Variants in ACSL6 observed in about 807,000 individuals in gnomAD.
The protein encoded by ACSL6 is acyl-CoA synthetase long chain family member 6, also known as long-chain-fatty-acid--CoA ligase 6.
A neutral mutation model predicts 98.2 loss-of-function variants in ACSL6; 47 were observed. The ratio of observed to expected loss-of-function variants is 0.48; its 90% CI spans 0.38 to 0.61. ACSL6 has a LOEUF of 0.61. Among genes scored for constraint, ACSL6 ranks in the 20% least tolerant of loss-of-function variants. The pLI, the probability that ACSL6 is intolerant of heterozygous loss-of-function variation, is 0.00. For synonymous variants in ACSL6, 362 were observed against 336.9 expected, an observed-to-expected ratio of 1.07 and a Z score of -0.82; for missense variants, 761 against 913.4, an observed-to-expected ratio of 0.83 and a Z score of 2.15.
At chr5:131,960,274 G>A (rs1019494875) in intron 19 of ACSL6, among the ~76,000 whole-genome samples, 1 of 152,128 alleles carries the variant, frequency 6.6e-6, no homozygotes, top group African/African-American at 2.4e-5. Context: ...AACAGGGCTG[G>A]ATAAGCTTTC....
intron 6 of ACSL6, 53 bp downstream of exon 6, chr5:131,988,752 C>T: frequency 6.3e-7 from 1 of 1,589,688 alleles, no homozygotes. Context: ...AAGCTGGAGG[C>T]TGGAGGCTGG....
intron 2 of ACSL6, among the ~76,000 whole-genome samples, chr5:131,992,697 C>T (rs917727962): frequency 2.0e-4 from 31 of 152,198 alleles, no homozygotes; most frequent in Admixed American, 6.5e-5. Context: ...GTCACACCCA[C>T]CTTTCTACGG....
chr5:131,981,815 A>C (rs1421919716), intron 9 of ACSL6: 3 of 152,304 alleles, frequency 2.0e-5, no homozygotes, highest in Admixed American at 6.6e-5. Flanking sequence ...TTTGCTCCTC[A>C]GTCCACAGCA....
At chr5:131,968,061 T>G in intron 15 of ACSL6, 33 bp from the exon 16 acceptor site, 1 of 1,590,694 alleles carries the variant, frequency 6.3e-7, no homozygotes, top group Non-Finnish European at 8.6e-7. Flanking sequence ...CATTTGTTAG[T>G]GTTCAGATCT....
At chr5:131,963,121 T>C (rs1413619549) in intron 17 of ACSL6, among the ~76,000 whole-genome samples, 1 of 152,014 alleles carries the variant, frequency 6.6e-6, no homozygotes, top group African/African-American at 2.4e-5. Flanking sequence ...CCAGCTACTG[T>C]CTCCACCCCT....
At position 131,950,780 on chromosome 5, in the gene ACSL6, AT is replaced by A. The variant is rs1483333528; in HGVS notation, c.*3453del. 50 of 192,976 alleles carry A rather than the reference AT, an allele frequency of 2.6e-4. No individual in the cohort carries two copies. The highest frequency in any genetic ancestry group is 5.2e-4 in the Non-Finnish European group (48 of 92,512). The allele number at this position is 192,976 out of a possible 1,614,324, so 12.0% of individuals were successfully genotyped here. Reference sequence around the variant, plus strand: ...AAGGTTATTGGTTCTTTGATAGGTAATACAATCAAATTAAGTGCTGATTTCA... The same window carrying A: ...AAGGTTATTGGTTCTTTGATAGGTAAACAATCAAATTAAGTGCTGATTTCA... On this transcript the variant is annotated 3_prime_UTR_variant, in exon 21 of 21. Transcript: ENST00000651883.
chr5:131,970,213 C>G lies in ACSL6; in HGVS notation c.1435-13G>C, dbSNP rs746784691. On this transcript the variant is annotated splice_polypyrimidine_tract_variant and intron_variant, in intron 14 of 20. Coordinates refer to ENST00000651883, the MANE Select transcript of ACSL6 (RefSeq NM_001009185.3). Reference sequence around the variant, plus strand: ...AACCTTCATAAACCTTCAAACAAAACACAGAAGCCACACTATGGGCACACA... The same window carrying G: ...AACCTTCATAAACCTTCAAACAAAAGACAGAAGCCACACTATGGGCACACA... 6.2e-7 allele frequency: 1 copy of G among 1,613,586 alleles called. No homozygotes were observed. The highest frequency in any genetic ancestry group is 1.7e-5 in the Admixed American group (1 of 59,978).
chr5:131,985,397 C>T lies in ACSL6; in HGVS notation c.916+10G>A. The T allele has an allele frequency of 6.2e-7, 1 of 1,614,060 alleles. No individual in the cohort carries two copies. The highest frequency in any genetic ancestry group is 8.5e-7 in the Non-Finnish European group (1 of 1,180,010). ...TAGCCATGGCTGGGGATCTGCGTGC[C>T]TCTGCTTACCTGTCGTGCCGCTTGT... On this transcript the variant is annotated intron_variant, in intron 9 of 20. Transcript: ENST00000651883.
intron 11 of ACSL6, 40 bp downstream of exon 11, chr5:131,974,853 G>A: frequency 6.2e-7 from 1 of 1,613,830 alleles, no homozygotes; most frequent in Non-Finnish European, 8.5e-7. Flanking sequence ...AAAAAAGAAG[G>A]AGCCCAGGCA....
chr5:131,974,754 T>C, intron 11 of ACSL6, 139 bp downstream of exon 11: 1 of 1,606,048 alleles, frequency 6.2e-7, no homozygotes, highest in Non-Finnish European at 8.5e-7. Context: ...TGCCAGGGCC[T>C]TACCTGCACC....
At chr5:131,973,571 C>G in intron 11 of ACSL6, 171 bp from the exon 12 acceptor site, 2 of 558,668 alleles carry the variant, frequency 3.6e-6, no homozygotes, top group Non-Finnish European at 6.0e-6. Context: ...CCCCCACCCC[C>G]TCACCTTCCA....
chr5:131,955,477 G>T lies in ACSL6; in HGVS notation c.2032-1106C>A, dbSNP rs73264074. ...TATTTATTGGAAACAGGTCCCAAGG[G>T]AGACGTTTTTAAACCATAGTGCACT... On this transcript the variant is annotated intron_variant, in intron 20 of 20. Coordinates refer to ENST00000651883, the MANE Select transcript of ACSL6 (RefSeq NM_001009185.3). 1.8e-3 allele frequency among the ~76,000 whole-genome samples: 267 copies of T among 152,296 alleles called. 1 individual carries two copies. Among genetic ancestry groups the T allele is most frequent in the African/African-American group, 5.8e-3 (242 of 41,566 alleles).
intron 9 of ACSL6, 136 bp downstream of exon 9, chr5:131,985,271 C>T: frequency 4.5e-6 from 5 of 1,113,650 alleles, no homozygotes; most frequent in South Asian, 1.4e-5. Flanking sequence ...AGGAGGTCAC[C>T]CAGTGTCTGG....
Position 131,974,847 on chromosome 5 carries a change from A to G in ACSL6, c.1068+46T>C, listed in dbSNP as rs756300554. ...GGAGCCCACTGACTCTGTAAGAAAA[A>G]AGAAGGAGCCCAGGCAAGGCCCGGT... On this transcript the variant is annotated intron_variant, in intron 11 of 20. Coordinates refer to ENST00000651883, the MANE Select transcript of ACSL6 (RefSeq NM_001009185.3). 4.3e-6 allele frequency: 7 copies of G among 1,613,750 alleles called. No individual in the cohort carries two copies. In the South Asian group the frequency reaches 7.7e-5, roughly 18 times the overall value.
intron 13 of ACSL6, among the ~76,000 whole-genome samples, chr5:131,972,019 C>T (rs1390348633): frequency 6.6e-6 from 1 of 152,208 alleles, no homozygotes; most frequent in Non-Finnish European, 1.5e-5. Flanking sequence ...CAATTTCTTC[C>T]AATTTCCATT....
chr5:131,963,995 T>A (rs1420995647), intron 17 of ACSL6, among the ~76,000 whole-genome samples: 1 of 152,216 alleles, frequency 6.6e-6, no homozygotes. Context: ...CCGATCCTTC[T>A]GGACCAGAAG....
intron 9 of ACSL6, among the ~76,000 whole-genome samples, chr5:131,978,956 A>G (rs983239636): frequency 6.6e-6 from 1 of 152,196 alleles, no homozygotes; most frequent in Non-Finnish European, 1.5e-5. Flanking sequence ...CCCATATTGC[A>G]AATCACAGAG....
At chr5:131,986,797 A>G (rs1009235280) in intron 8 of ACSL6, 25 bp downstream of exon 8, 3 of 1,613,946 alleles carry the variant, frequency 1.9e-6, no homozygotes, top group Admixed American at 1.7e-5. Context: ...TCGCTCAATA[A>G]AGACCTGCAG....
intron 11 of ACSL6, chr5:131,973,928 A>C (rs936223934): frequency 6.5e-6 from 1 of 152,834 alleles, no homozygotes. Flanking sequence ...CTAGGAGTAC[A>C]CCAGGGGCCT....
Sources: gnomAD v4.1 joint callset for allele counts (sites outside exome capture counted in the v4.1 genomes callset) on GRCh38, gnomAD v4.1.1 for gene constraint, MANE v1.5 for transcripts, NCBI Gene and HGNC (gene_info 2026-07-23, HGNC 2026-07-21) for gene names.